Variants in FNBP1 observed in about 807,000 individuals in gnomAD.
FNBP1 encodes formin-binding protein 1.
Under a neutral mutation model 90.6 loss-of-function variants are expected in FNBP1, and 26 were observed. The observed-to-expected ratio is 0.29, with a 90% CI of 0.21 to 0.40. FNBP1 has a LOEUF of 0.40. FNBP1 is among the 10% of genes least tolerant of loss of function. The pLI is 1.00. For missense variants in FNBP1, 635 were observed against 768.0 expected, an observed-to-expected ratio of 0.83 and a Z score of 2.05; for synonymous variants, 260 against 265.2, an observed-to-expected ratio of 0.98 and a Z score of 0.19.
chr9:130,040,363 G>A (rs910728004), intron 1 of FNBP1, among the ~76,000 whole-genome samples: 1 of 152,152 alleles, frequency 6.6e-6, no homozygotes, highest in Non-Finnish European at 1.5e-5. Flanking sequence ...TCACGCCTGC[G>A]ATCCCAGCAC....
At chr9:129,924,206 T>G (rs1345576463) in intron 9 of FNBP1, among the ~76,000 whole-genome samples, 180 bp from the exon 10 acceptor site, 1 of 151,596 alleles carries the variant, frequency 6.6e-6, no homozygotes, top group Non-Finnish European at 1.5e-5. Flanking sequence ...ATGATGAGAG[T>G]TGGGAGGTTT....
chr9:129,923,086 C>T (rs2041336076), intron 10 of FNBP1, among the ~76,000 whole-genome samples: 1 of 151,976 alleles, frequency 6.6e-6, no homozygotes, highest in South Asian at 2.1e-4. Context: ...TGGTTTTGAA[C>T]TCCTGAGCTC....
upstream of FNBP1, chr9:130,043,296 G>A (rs1369864681): frequency 4.7e-6 from 1 of 213,030 alleles, no homozygotes; most frequent in Non-Finnish European, 9.2e-6. Context: ...GCCCCACCCC[G>A]GCCCGGCCCC....
In FNBP1 at chr9:129,902,892, G is replaced by C; in HGVS notation, c.1405C>G (p.Arg469Gly). Residue 469 changes from arginine to glycine, a missense_variant, in exon 13 of 17, where the codon CGA becomes GGA. Physicochemically the swap from Arg to Gly is moderately radical, Grantham distance 125 (BLOSUM62 -2). Coordinates refer to ENST00000446176, the MANE Select transcript of FNBP1 (RefSeq NM_015033.3). ...AEVSQNIEKLRVETQKFEAWL... is the reference protein window; with the variant it reads ...AEVSQNIEKLGVETQKFEAWL... ...ACCTCAAATTTCTGGGTCTCTACTC[G>C]CAGTTTCTCTATATTTTGGCTGACT... is the stretch of plus-strand genomic sequence containing the variant. The C allele has an allele frequency of 6.2e-7, 1 of 1,613,416 alleles. No homozygotes were observed. Among genetic ancestry groups the C allele is most frequent in the Non-Finnish European group, 8.5e-7 (1 of 1,179,752 alleles).
chr9:129,916,191 C>T, intron 10 of FNBP1: 1 of 575,842 alleles, frequency 1.7e-6, no homozygotes. Flanking sequence ...TAACATTTTT[C>T]TTAGGCTCCA....
chr9:129,947,169 G>A (rs916864986), intron 6 of FNBP1, among the ~76,000 whole-genome samples: 1 of 152,076 alleles, frequency 6.6e-6, no homozygotes, highest in Non-Finnish European at 1.5e-5. Context: ...GGCTGGGCAC[G>A]GTGGCTCACG....
chr9:130,041,751 G>A lies in FNBP1; in HGVS notation c.24+1201C>T, dbSNP rs2059838150. Among the ~76,000 whole-genome samples the A allele has an allele frequency of 6.6e-6, 1 of 152,140 alleles. No individual in the cohort carries two copies. The highest frequency in any genetic ancestry group is 2.4e-5 in the African/African-American group (1 of 41,422). The stretch of plus-strand genomic sequence containing the variant: ...GCTTCTGTACCTAACAAATGGTTAT[G>A]TAAAAACAATTAAAGCAAAAGAAAA... On this transcript the variant is annotated intron_variant, in intron 1 of 16. Transcript: ENST00000446176. This position sits in a 1 kb window ranked among gnomAD's most constrained non-coding sequence, Gnocchi z 4.3.
At chr9:130,019,128 G>A (rs575513099) in intron 1 of FNBP1, among the ~76,000 whole-genome samples, 49 of 152,078 alleles carry the variant, frequency 3.2e-4, no homozygotes, top group African/African-American at 1.1e-3. Flanking sequence ...TCAGGAGGCC[G>A]AGGTGGGAGG....
At chr9:129,959,326 C>T (rs2047439294) in intron 4 of FNBP1, among the ~76,000 whole-genome samples, 1 of 151,950 alleles carries the variant, frequency 6.6e-6, no homozygotes, top group Non-Finnish European at 1.5e-5. Context: ...GACGGTGGCT[C>T]ACACCTGTAA....
intron 9 of FNBP1, 97 bp downstream of exon 9, chr9:129,924,863 G>T (rs1405410683): frequency 1.9e-6 from 2 of 1,075,930 alleles, no homozygotes; most frequent in African/African-American, 3.2e-5. Flanking sequence ...TTTGCATTCT[G>T]AAACTACAGG....
chr9:130,031,266 C>G lies in FNBP1; in HGVS notation c.24+11686G>C, dbSNP rs1241699366. Among the ~76,000 whole-genome samples the G allele has an allele frequency of 1.3e-5, 2 of 152,234 alleles. No individual in the cohort carries two copies. The highest frequency in any genetic ancestry group is 4.8e-5 in the African/African-American group (2 of 41,466). ...AGCGTGGCCTGAAGCTACCGAGCTC[C>G]TCTCCATCCTTCTCCACACTGAAAA... On this transcript the variant is annotated intron_variant, in intron 1 of 16. Transcript: ENST00000446176. The surrounding 1 kb of genome is among the most constrained non-coding windows in gnomAD (Gnocchi z 4.2).
intron 11 of FNBP1, among the ~76,000 whole-genome samples, chr9:129,910,703 C>T (rs1316242662): frequency 2.0e-5 from 3 of 152,034 alleles, no homozygotes; most frequent in Non-Finnish European, 4.4e-5. Flanking sequence ...TGACTGGGTT[C>T]CTAGGCTGAT....
chr9:129,907,353 C>T (rs1051055465), intron 12 of FNBP1, among the ~76,000 whole-genome samples: 2 of 152,186 alleles, frequency 1.3e-5, no homozygotes, highest in Admixed American at 6.5e-5. Context: ...ATTTCGCAGA[C>T]ACTTATGTGC....
chr9:129,937,458 C>A (rs766620148), intron 6 of FNBP1, among the ~76,000 whole-genome samples: 7 of 152,008 alleles, frequency 4.6e-5, no homozygotes, highest in African/African-American at 1.7e-4. Flanking sequence ...GTTGGCCGGG[C>A]GCAGTGGTTC....
chr9:129,983,742 CG>C (rs1195114468), intron 2 of FNBP1, among the ~76,000 whole-genome samples: 1 of 151,908 alleles, frequency 6.6e-6, no homozygotes, highest in Non-Finnish European at 1.5e-5. Flanking sequence ...ACCTGGGAGG[CG>C]GAGGTTGCAG....
At chr9:130,046,763 G>A (rs1212137364), upstream of FNBP1, among the ~76,000 whole-genome samples, 1 of 114,448 alleles carries the variant, frequency 8.7e-6, no homozygotes, top group Non-Finnish European at 1.8e-5. Context: ...GCAACAGAGT[G>A]AGACTTTATC....
intron 16 of FNBP1, among the ~76,000 whole-genome samples, chr9:129,892,443 T>C (rs1444461508): frequency 3.6e-4 from 48 of 134,486 alleles, no homozygotes; most frequent in Non-Finnish European, 4.7e-5. Context: ...ATTATAAAAA[T>C]AAAACAGCTG....
At chr9:129,953,670 G>A (rs1204316776) in intron 6 of FNBP1, among the ~76,000 whole-genome samples, 1 of 151,884 alleles carries the variant, frequency 6.6e-6, no homozygotes, top group African/African-American at 2.4e-5. Context: ...CAAAATATGT[G>A]GGATACAGAG....
rs1026448154 is a variant in FNBP1 at position 129,890,859 on chromosome 9, A to G, written c.1847-313T>C. ...CATAAGTTTAGTTTTGAGAGAAAGT[A>G]AGAAACGGAGGCCGGGGCTGGGCGC... On this transcript the variant is annotated intron_variant, in intron 16 of 16. Transcript: ENST00000446176. The surrounding 1 kb of genome is among the most constrained non-coding windows in gnomAD (Gnocchi z 5.8). 6.6e-6 allele frequency among the ~76,000 whole-genome samples: 1 copy of G among 152,180 alleles called. No homozygotes were observed. Among genetic ancestry groups the G allele is most frequent in the Non-Finnish European group, 1.5e-5 (1 of 68,038 alleles).
Sources: gnomAD v4.1 joint callset for allele counts (sites outside exome capture counted in the v4.1 genomes callset) on GRCh38, gnomAD v4.1.1 for gene constraint, Gnocchi (gnomAD v3.1) non-coding constraint, MANE v1.5 for transcripts, NCBI Gene and HGNC (gene_info 2026-07-23, HGNC 2026-07-21) for gene names.